ANKRD31: variants seen among roughly 807,000 people sequenced by gnomAD.
The protein encoded by ANKRD31 is ankyrin repeat domain 31.
A neutral mutation model predicts 186.0 loss-of-function variants in ANKRD31; 147 were observed. The ratio of observed to expected loss-of-function variants is 0.79; its 90% CI spans 0.69 to 0.91. The LOEUF (loss-of-function observed/expected upper bound fraction) is 0.91. Among genes scored for constraint, ANKRD31 ranks in the 40% least tolerant of loss-of-function variants. The pLI, the probability that ANKRD31 is intolerant of heterozygous loss-of-function variation, is 0.00. For missense variants in ANKRD31, 1,986 were observed against 2,148.8 expected, an observed-to-expected ratio of 0.92 and a Z score of 1.50; for synonymous variants, 673 against 736.4, an observed-to-expected ratio of 0.91 and a Z score of 1.39.
In ANKRD31 at chr5:75,229,813, T is replaced by A. The variant is rs553838891; in HGVS notation, c.178+749A>T. Among the ~76,000 whole-genome samples, 8 of 133,518 alleles carry A rather than the reference T, an allele frequency of 6.0e-5. No individual in the cohort carries two copies. In the Admixed American group the frequency reaches 7.8e-4, roughly 13 times the overall value. 87.6% of individuals were successfully genotyped at this position (133,518 alleles called of 152,430 possible). ...TGGGGAGGCGGAGGTTGCAGTGAGC[T>A]GAGATTGTGCCACTGCACTCCAGCC... On this transcript the variant is annotated intron_variant, in intron 2 of 25. Transcript: ENST00000506364.
chr5:75,100,781 T>A (rs1580325711), intron 22 of ANKRD31, among the ~76,000 whole-genome samples: 1 of 152,208 alleles, frequency 6.6e-6, no homozygotes, highest in Non-Finnish European at 1.5e-5. Context: ...ACTTGGTAGA[T>A]CTTCCTCCAT....
chr5:75,154,302 CT>C lies in ANKRD31; in HGVS notation c.1750del (p.Arg584GlufsTer17). ...LLLNGADPLF[R>X]NDDGKCALDE... Reference sequence around the variant, plus strand: ...CAAAGCACATTTTCCATCATCATTTCTAAATAATGGATCAGCTCCATTCAGA... The same window carrying C: ...CAAAGCACATTTTCCATCATCATTTCAAATAATGGATCAGCTCCATTCAGA... On this transcript the variant is annotated frameshift_variant, in exon 12 of 26. Transcript: ENST00000506364. LOFTEE classifies it high-confidence loss of function. 1 of 1,535,752 alleles carries C rather than the reference CT, an allele frequency of 6.5e-7. No homozygotes were observed. The highest frequency in any genetic ancestry group is 1.2e-5 in the South Asian group (1 of 83,878).
intron 17 of ANKRD31, among the ~76,000 whole-genome samples, chr5:75,129,340 A>G (rs1056158589): frequency 5.3e-5 from 8 of 152,210 alleles, no homozygotes; most frequent in Non-Finnish European, 1.2e-4. Flanking sequence ...AGTTTTTTAT[A>G]GCAATGCAAG....
At chr5:75,199,727 T>C (rs547688778) in intron 5 of ANKRD31, 53 bp from the exon 6 acceptor site, 166 of 1,409,668 alleles carry the variant, frequency 1.2e-4, no homozygotes, top group Non-Finnish European at 1.6e-4. Flanking sequence ...ACTAAAAACA[T>C]ACCTTCTCAG....
At chr5:75,178,526 C>A (rs556134422) in intron 10 of ANKRD31, among the ~76,000 whole-genome samples, 7 of 152,228 alleles carry the variant, frequency 4.6e-5, no homozygotes, top group Admixed American at 1.3e-4. Context: ...GAAATTATAA[C>A]AAACTGTCTC....
At chr5:75,175,769 G>A (rs1039009993) in intron 10 of ANKRD31, among the ~76,000 whole-genome samples, 14 of 151,904 alleles carry the variant, frequency 9.2e-5, no homozygotes, top group African/African-American at 2.7e-4. Context: ...CAAGATGGCC[G>A]AACAGGAACA....
At position 75,193,391 on chromosome 5, in the gene ANKRD31, A is replaced by G. The variant is rs1755246995; in HGVS notation, c.1218T>C (p.Tyr406=). 2 of 1,536,956 alleles carry G rather than the reference A, an allele frequency of 1.3e-6. No individual in the cohort carries two copies. The highest frequency in any genetic ancestry group is 8.7e-7 in the Non-Finnish European group (1 of 1,146,750). Reference sequence around the variant, plus strand: ...TTGGTAAAATCTTTTCTGGCATCTTATACATGTGATCTGAGTACTTTGCAT... The same window carrying G: ...TTGGTAAAATCTTTTCTGGCATCTTGTACATGTGATCTGAGTACTTTGCAT... ...SRDAKYSDHM[Y]KMPEKILPKI... is the part of the protein sequence containing the mutation. The change falls in exon 8 of 26, where the codon TAT becomes TAC. Residue 406 remains tyrosine (Y), a synonymous_variant. Coordinates refer to ENST00000506364, the MANE Select transcript of ANKRD31 (RefSeq NM_001372053.1).
chr5:75,220,976 G>A (rs546948261), intron 3 of ANKRD31, among the ~76,000 whole-genome samples: 145 of 152,172 alleles, frequency 9.5e-4, no homozygotes, highest in African/African-American at 3.1e-3. Context: ...GGCACGTGGT[G>A]GAATACTATG....
chr5:75,104,570 A>G lies in ANKRD31; in HGVS notation c.4989T>C (p.Cys1663=). ...ENAAHPSNII[C]DQDLSNYDPK... is the part of the protein sequence containing the mutation. ...GATCATAATTGGAAAGGTCCTGATC[A>G]CAAATAATATTTGATGGATGGGCAG... The change falls in exon 22 of 26, where the codon TGT becomes TGC. Residue 1663 remains cysteine (C), a synonymous_variant. Transcript: ENST00000506364. 6.5e-7 allele frequency: 1 copy of G among 1,536,038 alleles called. No individual in the cohort carries two copies. Among genetic ancestry groups the G allele is most frequent in the Non-Finnish European group, 8.7e-7 (1 of 1,146,440 alleles).
chr5:75,136,975 G>C (rs1301988986), intron 17 of ANKRD31, among the ~76,000 whole-genome samples: 2 of 152,002 alleles, frequency 1.3e-5, no homozygotes, highest in African/African-American at 4.8e-5. Flanking sequence ...GAGAACACTT[G>C]GACACAGGGT....
chr5:75,172,975 G>A (rs906236853), intron 10 of ANKRD31, among the ~76,000 whole-genome samples: 54 of 152,134 alleles, frequency 3.5e-4, no homozygotes, highest in African/African-American at 1.3e-3. Flanking sequence ...GAACATTGAT[G>A]CAAAAATCCT....
chr5:75,101,311 C>T (rs1449513500), intron 22 of ANKRD31, among the ~76,000 whole-genome samples: 1 of 152,140 alleles, frequency 6.6e-6, no homozygotes, highest in African/African-American at 2.4e-5. Context: ...GTCTGATGGG[C>T]TTCCCTTTGT....
intron 16 of ANKRD31, 26 bp downstream of exon 16, chr5:75,138,820 G>C (rs1189955089): frequency 2.6e-6 from 4 of 1,530,704 alleles, no homozygotes; most frequent in South Asian, 1.2e-5. Context: ...AAATTATAAA[G>C]GTAATTAAAT....
At chr5:75,222,194 A>G in intron 3 of ANKRD31, 55 bp downstream of exon 3, 3 of 1,299,924 alleles carry the variant, frequency 2.3e-6, no homozygotes, top group Non-Finnish European at 3.1e-6. Context: ...TGCCACTCTG[A>G]GCGATAGCAT....
chr5:75,236,869 G>A lies in ANKRD31; in HGVS notation c.-183C>T. The A allele has an allele frequency of 2.2e-6, 1 of 457,216 alleles. No homozygotes were observed. Among genetic ancestry groups the A allele is most frequent in the East Asian group, 4.1e-5 (1 of 24,140 alleles). The allele number at this position is 457,216 out of a possible 1,614,324, so 28.3% of individuals were successfully genotyped here. A position where few individuals can be genotyped will look rare whatever the true frequency, so the allele number is the denominator to read the frequency against. On this transcript the variant is annotated 5_prime_UTR_variant, in exon 1 of 26. Transcript: ENST00000506364. ...CGCAGGCGGCCGCGAGCGCGGCGGGGTAGCAGTCTGCGAGGCGGCCCGCGG... is the reference window on the plus strand; with the variant it reads ...CGCAGGCGGCCGCGAGCGCGGCGGGATAGCAGTCTGCGAGGCGGCCCGCGG...
rs368223159 is a variant in ANKRD31 at position 75,085,464 on chromosome 5, T to C, written c.5473-1090A>G. The stretch of plus-strand genomic sequence containing the variant: ...TTGGCTCACTGCAACCTCCACCTCC[T>C]GAGTTCAAGCAATTCTCATGCCTCA... On this transcript the variant is annotated intron_variant, in intron 23 of 25. Transcript: ENST00000506364. Among the ~76,000 whole-genome samples the C allele has an allele frequency of 3.9e-5, 6 of 152,122 alleles. No homozygotes were observed. In the South Asian group the frequency reaches 1.2e-3, roughly 32 times the overall value.
intron 23 of ANKRD31, among the ~76,000 whole-genome samples, chr5:75,090,536 G>A (rs1183090319): frequency 6.6e-6 from 1 of 152,174 alleles, no homozygotes; most frequent in East Asian, 1.9e-4. Context: ...TGTAATAGTA[G>A]AGGTTGAGTG....
chr5:75,232,352 C>T (rs1330514703), intron 1 of ANKRD31, among the ~76,000 whole-genome samples: 4 of 152,116 alleles, frequency 2.6e-5, no homozygotes, highest in Non-Finnish European at 5.9e-5. Context: ...CAACCTCCAC[C>T]GCCCAGGTTC....
In ANKRD31 at chr5:75,105,275, C is replaced by T. The variant is rs753850192; in HGVS notation, c.4341-57G>A. Reference sequence around the variant, plus strand: ...AATAACAGCAGAAAACTTTTCAAAGCGGTCACTTAGAGGTTAAAGATACTT... The same window carrying T: ...AATAACAGCAGAAAACTTTTCAAAGTGGTCACTTAGAGGTTAAAGATACTT... On this transcript the variant is annotated intron_variant, in intron 21 of 25. Transcript: ENST00000506364. 4.2e-4 allele frequency: 595 copies of T among 1,405,902 alleles called. 1 individual carries two copies. The highest frequency in any genetic ancestry group is 5.1e-4 in the Non-Finnish European group (548 of 1,081,340). The allele number at this position is 1,405,902 out of a possible 1,614,324, so 87.1% of individuals were successfully genotyped here.
Sources: allele counts gnomAD v4.1 joint callset (sites outside exome capture counted in the v4.1 genomes callset), GRCh38; gene constraint gnomAD v4.1.1; transcripts MANE v1.5; gene names NCBI Gene and HGNC (gene_info 2026-07-23, HGNC 2026-07-21).